SPINK13: variants seen among roughly 807,000 people sequenced by gnomAD.
SPINK13 encodes the protein serine protease inhibitor Kazal-type 13.
In SPINK13, 11 loss-of-function variants were observed where a neutral mutation model predicts 11.0. That is an observed-to-expected ratio of 1.00 (90% CI 0.63 to 1.65). The LOEUF (loss-of-function observed/expected upper bound fraction) is 1.65, where lower values mean the gene tolerates loss of function less well. Among genes scored for constraint, SPINK13 ranks in the 40% most tolerant of loss-of-function variants. SPINK13 has a pLI of 0.00. For missense variants in SPINK13, 113 were observed against 117.7 expected (o/e 0.96, Z 0.19); for synonymous variants, 31 against 35.6 (o/e 0.87, Z 0.46).
At chr5:148,276,046 C>A (rs1464293696) in intron 3 of SPINK13, among the ~76,000 whole-genome samples, 1 of 152,144 alleles carries the variant, frequency 6.6e-6, no homozygotes, top group African/African-American at 2.4e-5. Flanking sequence ...CTCTGATGAC[C>A]AGTGATGATG....
chr5:148,284,428 C>G (rs559165236), intron 4 of SPINK13, among the ~76,000 whole-genome samples: 6 of 152,168 alleles, frequency 3.9e-5, no homozygotes, highest in East Asian at 3.9e-4. Flanking sequence ...AATGAAGAGC[C>G]CTGCTGGTTA....
intron 4 of SPINK13, among the ~76,000 whole-genome samples, chr5:148,284,271 C>G (rs1274856012): frequency 2.7e-5 from 4 of 150,124 alleles, no homozygotes; most frequent in African/African-American, 9.9e-5. Flanking sequence ...CCTCCAGAAG[C>G]TGGTAATAAT....
At chr5:148,282,591 T>C (rs1771088047) in intron 4 of SPINK13, among the ~76,000 whole-genome samples, 2 of 152,180 alleles carry the variant, frequency 1.3e-5, no homozygotes, top group African/African-American at 4.8e-5. Flanking sequence ...AACCTATGAA[T>C]AGCACCTATC....
intron 3 of SPINK13, among the ~76,000 whole-genome samples, chr5:148,276,841 C>G (rs559746786): frequency 1.3e-3 from 191 of 152,304 alleles, no homozygotes; most frequent in Non-Finnish European, 2.3e-3. Context: ...ATGGGAATAG[C>G]ATTGAATCTA....
intron 1 of SPINK13, 85 bp downstream of exon 1, chr5:148,268,973 C>G (rs1027127224): frequency 2.0e-5 from 3 of 152,524 alleles, no homozygotes; most frequent in Non-Finnish European, 4.4e-5. Context: ...GGGTTTCCCT[C>G]TTTTTCCTCT....
chr5:148,284,129 C>G (rs186434700), intron 4 of SPINK13, among the ~76,000 whole-genome samples: 2 of 133,566 alleles, frequency 1.5e-5, no homozygotes, highest in Non-Finnish European at 1.5e-5. Context: ...TTTCCTTCCT[C>G]TCTTCCTTCA....
intron 3 of SPINK13, among the ~76,000 whole-genome samples, chr5:148,277,536 A>C (rs1424727496): frequency 6.6e-6 from 1 of 152,192 alleles, no homozygotes. Flanking sequence ...TGAGATAATC[A>C]AGTGCTTTTT....
chr5:148,276,159 A>C (rs1484280379), intron 3 of SPINK13, among the ~76,000 whole-genome samples: 1 of 151,888 alleles, frequency 6.6e-6, no homozygotes, highest in Non-Finnish European at 1.5e-5. Flanking sequence ...TTTTCTTATA[A>C]ATTTGTTTAA....
At position 148,273,591 on chromosome 5, in the gene SPINK13, GAA is replaced by G. The variant is rs201333854; in HGVS notation, c.71-754_71-753del. Among the ~76,000 whole-genome samples, 1,036 of 152,134 alleles carry G rather than the reference GAA, an allele frequency of 6.8e-3. 14 individuals carry two copies. The highest frequency in any genetic ancestry group is 0.02 in the African/African-American group (811 of 41,526). ...AAGCATTCTATCTTTTTTGTTCTCT[GAA>G]AGAGTGTACATGTAATCAGCAAGAC... On this transcript the variant is annotated intron_variant, in intron 2 of 4. Transcript: ENST00000398450.
At chr5:148,275,265 G>A (rs1756408273) in intron 3 of SPINK13, among the ~76,000 whole-genome samples, 2 of 152,234 alleles carry the variant, frequency 1.3e-5, no homozygotes, top group African/African-American at 2.4e-5. Flanking sequence ...TTAATTTGCT[G>A]AGAATGATGG....
chr5:148,271,100 G>C (rs1756343846), intron 2 of SPINK13, among the ~76,000 whole-genome samples: 2 of 152,200 alleles, frequency 1.3e-5, no homozygotes, highest in African/African-American at 4.8e-5. Context: ...TTACAGATTA[G>C]TAAAGCAGAC....
intron 4 of SPINK13, among the ~76,000 whole-genome samples, chr5:148,285,621 CAG>C (rs1172767471): frequency 2.6e-5 from 4 of 152,102 alleles, no homozygotes; most frequent in Admixed American, 6.5e-5. Flanking sequence ...AGTGTGAAAA[CAG>C]TGAAAAATTT....
intron 3 of SPINK13, among the ~76,000 whole-genome samples, chr5:148,277,350 G>C (rs1048857957): frequency 1.3e-5 from 2 of 152,152 alleles, no homozygotes; most frequent in African/African-American, 4.8e-5. Flanking sequence ...TCCTTGCCTT[G>C]TGCTGGCTTT....
At chr5:148,269,043 G>C (rs1756307692) in intron 1 of SPINK13, 155 bp downstream of exon 1, 1 of 152,162 alleles carries the variant, frequency 6.6e-6, no homozygotes, top group Non-Finnish European at 1.5e-5. Context: ...ACTTATTTAT[G>C]GTTCTCCTTC....
At chr5:148,280,188 C>A (rs1756491992) in intron 3 of SPINK13, among the ~76,000 whole-genome samples, 1 of 152,062 alleles carries the variant, frequency 6.6e-6, no homozygotes, top group Non-Finnish European at 1.5e-5. Flanking sequence ...TTCCTGTAAC[C>A]TTTTATCAAG....
At chr5:148,282,322 T>C (rs1756528437) in intron 4 of SPINK13, 91 bp downstream of exon 4, 23 of 1,473,848 alleles carry the variant, frequency 1.6e-5, no homozygotes, top group Non-Finnish European at 1.8e-5. Context: ...GTTTTACTGA[T>C]GCATACTTTT....
At chr5:148,281,127 C>T (rs1462158688) in intron 3 of SPINK13, among the ~76,000 whole-genome samples, 2 of 152,146 alleles carry the variant, frequency 1.3e-5, no homozygotes, top group Admixed American at 6.5e-5. Context: ...GGCGGACGCC[C>T]CTCCCCCCAC....
At chr5:148,273,858 A>G (rs571786270) in intron 2 of SPINK13, among the ~76,000 whole-genome samples, 5 of 152,194 alleles carry the variant, frequency 3.3e-5, no homozygotes, top group African/African-American at 4.8e-5. Context: ...CACCCCTCAT[A>G]CAACCAACCC....
chr5:148,273,214 A>G (rs1756375135), intron 2 of SPINK13, among the ~76,000 whole-genome samples: 1 of 151,698 alleles, frequency 6.6e-6, no homozygotes, highest in South Asian at 2.1e-4. Flanking sequence ...TGAGTTCTTT[A>G]TAAATTATGC....
Sources: allele counts gnomAD v4.1 joint callset (sites outside exome capture counted in the v4.1 genomes callset), GRCh38; gene constraint gnomAD v4.1.1; transcripts MANE v1.5; gene names NCBI Gene and HGNC (gene_info 2026-07-23, HGNC 2026-07-21).